The following PRRC2C variants were observed in gnomAD, a reference collection of about 807,000 sequenced individuals.
The protein encoded by PRRC2C is proline rich coiled-coil 2C.
Under a neutral mutation model 317.2 loss-of-function variants are expected in PRRC2C, and 72 were observed. That is an observed-to-expected ratio of 0.23 (90% CI 0.19 to 0.28). PRRC2C has a LOEUF of 0.28. Among genes scored for constraint, PRRC2C ranks in the 10% least tolerant of loss-of-function variants. The pLI is 1.00. For synonymous variants in PRRC2C, 1,296 were observed against 1,205.9 expected (o/e 1.07, Z -1.55); for missense variants, 3,074 against 3,459.7 (o/e 0.89, Z 2.80).
intron 20 of PRRC2C, among the ~76,000 whole-genome samples, chr1:171,564,867 A>T (rs1333262703): frequency 6.6e-6 from 1 of 152,222 alleles, no homozygotes; most frequent in Admixed American, 6.5e-5. Flanking sequence ...TTTGAAGGTG[A>T]CTATTTAAAT....
At chr1:171,491,173 A>C (rs2102028705) in intron 1 of PRRC2C, among the ~76,000 whole-genome samples, 1 of 152,370 alleles carries the variant, frequency 6.6e-6, no homozygotes, top group South Asian at 2.1e-4. Flanking sequence ...ATCCCTTCTG[A>C]ATAAATCTTG....
intron 6 of PRRC2C, among the ~76,000 whole-genome samples, chr1:171,518,880 T>C (rs1346622316): frequency 2.7e-5 from 4 of 149,522 alleles, no homozygotes; most frequent in Non-Finnish European, 5.9e-5. Context: ...CCTCTTTTCC[T>C]ACCACTTTTT....
At chr1:171,548,961 C>G (rs947185725) in intron 17 of PRRC2C, among the ~76,000 whole-genome samples, 6 of 152,076 alleles carry the variant, frequency 3.9e-5, no homozygotes, top group African/African-American at 9.7e-5. Context: ...AAGTGATTCT[C>G]CTACCTCAGC....
In PRRC2C at chr1:171,531,351, G is replaced by A. The variant is rs572821248; in HGVS notation, c.1255-992G>A. On this transcript the variant is annotated intron_variant, in intron 11 of 34. Coordinates refer to ENST00000647382, the MANE Select transcript of PRRC2C (RefSeq NM_001387844.1). Reference sequence around the variant, plus strand: ...AAATTTTACTTTTATGAAGTGAGTTGTGTAAATTAGGCACTAATATATTTG... The same window carrying A: ...AAATTTTACTTTTATGAAGTGAGTTATGTAAATTAGGCACTAATATATTTG... Among the ~76,000 whole-genome samples the A allele has an allele frequency of 2.4e-3, 362 of 152,350 alleles. 2 individuals carry two copies. Among genetic ancestry groups the A allele is most frequent in the Non-Finnish European group, 2.8e-3 (188 of 68,040 alleles).
chr1:171,546,333 T>A (rs1041823357), intron 17 of PRRC2C, among the ~76,000 whole-genome samples: 2 of 152,198 alleles, frequency 1.3e-5, no homozygotes, highest in Non-Finnish European at 2.9e-5. Context: ...CTGAATAAAA[T>A]TGAGAGATTT....
chr1:171,578,588 C>G (rs982705363), intron 26 of PRRC2C, among the ~76,000 whole-genome samples: 1 of 152,146 alleles, frequency 6.6e-6, no homozygotes, highest in Non-Finnish European at 1.5e-5. Context: ...AGCGAGTCAG[C>G]TAGGCACCGT....
At position 171,592,376 on chromosome 1, in the gene PRRC2C, C is replaced by T. The variant is rs1436820632; in HGVS notation, c.*529C>T. 1 of 152,530 alleles carries T rather than the reference C, an allele frequency of 6.6e-6. No homozygotes were observed. The highest frequency in any genetic ancestry group is 1.5e-5 in the Non-Finnish European group (1 of 68,344). The allele number at this position is 152,530 out of a possible 1,614,324, so 9.4% of individuals were successfully genotyped here. On this transcript the variant is annotated 3_prime_UTR_variant, in exon 35 of 35. Coordinates refer to ENST00000647382, the MANE Select transcript of PRRC2C (RefSeq NM_001387844.1). Reference sequence around the variant, plus strand: ...CCTTATTTTTTATTATGGCAGCTTGCTATTTTTATAACATGGTGATTGAGT... The same window carrying T: ...CCTTATTTTTTATTATGGCAGCTTGTTATTTTTATAACATGGTGATTGAGT...
At chr1:171,553,732 A>C (rs1225935466) in intron 18 of PRRC2C, among the ~76,000 whole-genome samples, 1 of 152,184 alleles carries the variant, frequency 6.6e-6, no homozygotes, top group Non-Finnish European at 1.5e-5. Flanking sequence ...TTTATCCAGT[A>C]GTCATTTAGG....
At chr1:171,513,338 A>G (rs757870442) in intron 3 of PRRC2C, 166 bp downstream of exon 3, 9 of 806,444 alleles carry the variant, frequency 1.1e-5, no homozygotes, top group Non-Finnish European at 1.6e-5. Context: ...AATTTTCCCT[A>G]TTAAAAGTAT....
chr1:171,537,745 A>T (rs1261462709), intron 15 of PRRC2C, among the ~76,000 whole-genome samples: 2 of 152,068 alleles, frequency 1.3e-5, no homozygotes, highest in African/African-American at 2.4e-5. Flanking sequence ...TTGCTCTGTT[A>T]TTCAGGCTGG....
At position 171,557,490 on chromosome 1, in the gene PRRC2C, C is replaced by T; in HGVS notation, c.5378C>T (p.Ala1793Val). The change falls in exon 19 of 35, where the codon GCT becomes GTT. Residue 1793 changes from alanine (A) to valine (V), a missense_variant. Ala to Val is a moderately conservative substitution (Grantham distance 64). Coordinates refer to ENST00000647382, the MANE Select transcript of PRRC2C (RefSeq NM_001387844.1). ...TSAPVPASTL[A>V]PVLASTSAPV... ...GCTCCGGTTCCAGCCTCAACTTTAG[C>T]TCCAGTTCTGGCCTCAACCTCAGCT... 3.9e-6 allele frequency: 6 copies of T among 1,551,516 alleles called. No individual in the cohort carries two copies. Among genetic ancestry groups the T allele is most frequent in the Non-Finnish European group, 5.2e-6 (6 of 1,146,914 alleles).
At position 171,524,830 on chromosome 1, in the gene PRRC2C, A is replaced by T; in HGVS notation, c.1065A>T (p.Gln355His). The T allele has an allele frequency of 6.4e-7, 1 of 1,567,130 alleles. No homozygotes were observed. Among genetic ancestry groups the T allele is most frequent in the Non-Finnish European group, 8.7e-7 (1 of 1,155,388 alleles). Residue 355 changes from glutamine to histidine, a missense_variant, in exon 10 of 35, where the codon CAA becomes CAT. Gln to His is a conservative substitution (Grantham distance 24). This residue lies in a region of PRRC2C where 1,320 missense variants were observed against 1,395.7 expected (regional missense o/e 0.95). Transcript: ENST00000647382. ...CATTTTGATTTTTCAGTGAGGATCA[A>T]GGTTCAAAAGCCTCTGAAAACAACG... The part of the protein sequence containing the change: ...NSPKENNSED[Q>H]GSKASENNEN...
chr1:171,566,801 A>G lies in PRRC2C; in HGVS notation c.6516A>G (p.Thr2172=). ...CAGAAATGTCTACTGAAATAGGAAC[A>G]ATGATCTCGGTATCATCTGCAGAAT... The part of the protein sequence containing the change: ...AVSEMSTEIG[T]MISVSSAEYG... The change falls in exon 22 of 35, where the codon ACA becomes ACG. Residue 2172 remains threonine, a synonymous_variant. Transcript: ENST00000647382. The G allele has an allele frequency of 6.2e-7, 1 of 1,613,868 alleles. No individual in the cohort carries two copies. The highest frequency in any genetic ancestry group is 8.5e-7 in the Non-Finnish European group (1 of 1,179,856).
intron 16 of PRRC2C, among the ~76,000 whole-genome samples, chr1:171,543,776 A>G (rs1474240215): frequency 6.6e-6 from 1 of 152,230 alleles, no homozygotes; most frequent in Admixed American, 6.5e-5. Flanking sequence ...TATAAAGAAA[A>G]GAAATGTATT....
intron 9 of PRRC2C, among the ~76,000 whole-genome samples, chr1:171,523,839 C>T (rs1674053088): frequency 6.6e-6 from 1 of 152,110 alleles, no homozygotes; most frequent in Admixed American, 6.5e-5. Flanking sequence ...AGTTCGAGAC[C>T]AGCTTGGCCA....
chr1:171,492,470 T>A (rs1302775287), intron 1 of PRRC2C, among the ~76,000 whole-genome samples: 1 of 152,174 alleles, frequency 6.6e-6, no homozygotes, highest in African/African-American at 2.4e-5. Context: ...GGTGGAAGGA[T>A]CTCTTGAGCC....
intron 1 of PRRC2C, among the ~76,000 whole-genome samples, chr1:171,503,703 C>G (rs948202089): frequency 7.9e-5 from 12 of 152,034 alleles, no homozygotes; most frequent in Non-Finnish European, 1.6e-4. Context: ...ACAAATGATG[C>G]TGAGTGTATT....
At position 171,591,886 on chromosome 1, in the gene PRRC2C, G is replaced by GAGGCCCCCCCC; in HGVS notation, c.*40_*41insGGCCCCCCCCA. 1 of 475,636 alleles carries GAGGCCCCCCCC rather than the reference G, an allele frequency of 2.1e-6. No homozygotes were observed. Among genetic ancestry groups the GAGGCCCCCCCC allele is most frequent in the Non-Finnish European group, 3.7e-6 (1 of 266,840 alleles). The allele number at this position is 475,636 out of a possible 1,614,324, so 29.5% of individuals were successfully genotyped here. A position where few individuals can be genotyped will look rare whatever the true frequency, so the allele number is the denominator to read the frequency against. ...TTGCAGGGGATTGGGAGGGGGGCGG[G>GAGGCCCCCCCC]AAAACATGGAGAATTAAGTCAGATA... On this transcript the variant is annotated 3_prime_UTR_variant, in exon 35 of 35. Coordinates refer to ENST00000647382, the MANE Select transcript of PRRC2C (RefSeq NM_001387844.1).
rs768630874 is a variant in PRRC2C at position 171,541,006 on chromosome 1, T to G, written c.3540T>G (p.Asp1180Glu). 36 of 1,613,042 alleles carry G rather than the reference T, an allele frequency of 2.2e-5. No individual in the cohort carries two copies. Among genetic ancestry groups the G allele is most frequent in the Non-Finnish European group, 3.1e-5 (36 of 1,179,642 alleles). ...RTYWKEARER[D>E]WFPDQGYRGR... ...ATTGGAAAGAAGCTAGAGAGAGAGA[T>G]TGGTTTCCAGATCAAGGATACAGAG... is the stretch of plus-strand genomic sequence containing the variant. The change falls in exon 16 of 35, where the codon GAT (aspartate) becomes GAG (glutamate). Residue 1180 changes from aspartate (D) to glutamate (E), a missense_variant. Physicochemically the swap from Asp to Glu is conservative, Grantham distance 45 (BLOSUM62 2). Coordinates refer to ENST00000647382, the MANE Select transcript of PRRC2C (RefSeq NM_001387844.1). This position sits in a 1 kb window ranked among gnomAD's most constrained non-coding sequence, Gnocchi z 4.1.
Sources: allele counts gnomAD v4.1 joint callset (sites outside exome capture counted in the v4.1 genomes callset), GRCh38; gene constraint gnomAD v4.1.1; regional missense constraint gnomAD v4.1.1; non-coding constraint Gnocchi (gnomAD v3.1); transcripts MANE v1.5; gene names NCBI Gene and HGNC (gene_info 2026-07-23, HGNC 2026-07-21).